The following FUT9 variants were observed in gnomAD, a reference collection of about 807,000 sequenced individuals.
FUT9 encodes the protein 4-galactosyl-N-acetylglucosaminide 3-alpha-L-fucosyltransferase 9.
Under a neutral mutation model 29.7 loss-of-function variants are expected in FUT9, and 15 were observed. The ratio of observed to expected loss-of-function variants is 0.51; its 90% confidence interval spans 0.34 to 0.78. The LOEUF (loss-of-function observed/expected upper bound fraction) is 0.78. Among genes scored for constraint, FUT9 ranks in the 30% least tolerant of loss-of-function variants. FUT9 has a pLI of 0.01. For synonymous variants in FUT9, 169 were observed against 153.7 expected, an observed-to-expected ratio of 1.10 and a Z score of -0.74; for missense variants, 319 against 425.4, an observed-to-expected ratio of 0.75 and a Z score of 2.20.
intron 2 of FUT9, among the ~76,000 whole-genome samples, chr6:96,170,372 A>G (rs1019906267): frequency 2.4e-4 from 36 of 152,298 alleles, no homozygotes; most frequent in African/African-American, 8.4e-4. Flanking sequence ...AGTTATAAAT[A>G]AGATTTAATG....
intron 2 of FUT9, among the ~76,000 whole-genome samples, chr6:96,194,343 G>C (rs1264116283): frequency 6.6e-6 from 1 of 152,118 alleles, no homozygotes; most frequent in East Asian, 1.9e-4. Context: ...GATCCCAGAT[G>C]TTGCTGATGC....
intron 1 of FUT9, among the ~76,000 whole-genome samples, chr6:96,100,686 T>TAAGCCA (rs1422747701): frequency 7.2e-5 from 11 of 152,152 alleles, no homozygotes; most frequent in African/African-American, 2.4e-4. Context: ...AGACGCAGGT[T>TAAGCCA]AGAATTTGAA....
chr6:96,095,428 C>T (rs914901168), intron 1 of FUT9, among the ~76,000 whole-genome samples: 15 of 152,136 alleles, frequency 9.9e-5, no homozygotes, highest in Admixed American at 6.6e-4. Context: ...ACTAGGCTTG[C>T]CCCACCATTC....
At chr6:96,103,761 A>G (rs956845341) in intron 1 of FUT9, among the ~76,000 whole-genome samples, 6 of 152,074 alleles carry the variant, frequency 3.9e-5, no homozygotes, top group South Asian at 4.1e-4. Context: ...TTTTCTTTCC[A>G]TCTTTTCTTT....
chr6:96,145,049 ATTAT>A (rs1171716196), intron 2 of FUT9, among the ~76,000 whole-genome samples: 2 of 151,746 alleles, frequency 1.3e-5, no homozygotes, highest in South Asian at 2.1e-4. Flanking sequence ...ATTATTCTTT[ATTAT>A]TTATTTATTT....
intron 2 of FUT9, among the ~76,000 whole-genome samples, chr6:96,182,204 A>G (rs1247676267): frequency 1.3e-5 from 2 of 151,812 alleles, no homozygotes; most frequent in Non-Finnish European, 2.9e-5. Flanking sequence ...TCATATGTTT[A>G]TTGGACATTT....
chr6:96,191,829 C>T (rs192128575), intron 2 of FUT9, among the ~76,000 whole-genome samples: 2 of 152,296 alleles, frequency 1.3e-5, no homozygotes, highest in Admixed American at 6.5e-5. Flanking sequence ...CCGAATCCAG[C>T]AGCACATCAA....
intron 1 of FUT9, among the ~76,000 whole-genome samples, chr6:96,057,475 G>T (rs1770792280): frequency 6.6e-6 from 1 of 152,138 alleles, no homozygotes; most frequent in Admixed American, 6.5e-5. Flanking sequence ...TATAGAAACT[G>T]AATTGCTAAG....
chr6:96,111,040 T>C (rs1011441464), intron 1 of FUT9, among the ~76,000 whole-genome samples: 11 of 152,244 alleles, frequency 7.2e-5, no homozygotes, highest in African/African-American at 1.4e-4. Context: ...TTGGCAAACA[T>C]TGAGATGAAA....
At chr6:96,041,754 G>A (rs1770464628) in intron 1 of FUT9, among the ~76,000 whole-genome samples, 2 of 152,130 alleles carry the variant, frequency 1.3e-5, no homozygotes, top group Non-Finnish European at 2.9e-5. Context: ...TAAACAATCT[G>A]TTGATATATC....
intron 2 of FUT9, among the ~76,000 whole-genome samples, chr6:96,197,065 C>A (rs1342438644): frequency 6.6e-6 from 1 of 152,154 alleles, no homozygotes; most frequent in Non-Finnish European, 1.5e-5. Context: ...GAAAGTCAGA[C>A]AGAAACTTTG....
intron 2 of FUT9, among the ~76,000 whole-genome samples, chr6:96,138,705 T>C (rs984566146): frequency 6.6e-6 from 1 of 152,224 alleles, no homozygotes; most frequent in Non-Finnish European, 1.5e-5. Flanking sequence ...TAAGGCATCC[T>C]TTCATTTCCT....
At chr6:96,017,386 A>G (rs1244858644) in intron 1 of FUT9, among the ~76,000 whole-genome samples, 2 of 152,162 alleles carry the variant, frequency 1.3e-5, no homozygotes, top group African/African-American at 4.8e-5. Flanking sequence ...TTCTGAAACC[A>G]TGTTTACCGT....
chr6:96,111,008 C>A (rs1771796402), intron 1 of FUT9, among the ~76,000 whole-genome samples: 1 of 152,010 alleles, frequency 6.6e-6, no homozygotes, highest in Admixed American at 6.6e-5. Flanking sequence ...AAATTCCATG[C>A]AAACCCAGTC....
intron 2 of FUT9, among the ~76,000 whole-genome samples, chr6:96,186,587 G>A (rs138155500): frequency 6.6e-6 from 1 of 152,248 alleles, no homozygotes; most frequent in East Asian, 1.9e-4. Context: ...TATCTGTATA[G>A]AAAGAGATTT....
intron 1 of FUT9, among the ~76,000 whole-genome samples, chr6:96,060,598 G>A (rs1432376884): frequency 3.3e-5 from 5 of 150,494 alleles, no homozygotes; most frequent in Non-Finnish European, 5.9e-5. Flanking sequence ...GCACAGTTGC[G>A]CTATCTGAGC....
intron 2 of FUT9, among the ~76,000 whole-genome samples, chr6:96,127,945 CTT>C: frequency 6.6e-6 from 1 of 152,064 alleles, no homozygotes; most frequent in East Asian, 1.9e-4. Flanking sequence ...CAGATAAATA[CTT>C]TTTAAATATT....
At chr6:96,181,390 C>A (rs1773303524) in intron 2 of FUT9, among the ~76,000 whole-genome samples, 1 of 151,872 alleles carries the variant, frequency 6.6e-6, no homozygotes, top group African/African-American at 2.4e-5. Context: ...CAATAGGAAG[C>A]ATTTATGTTA....
intron 2 of FUT9, among the ~76,000 whole-genome samples, chr6:96,192,337 T>TA (rs756038460): frequency 1.3e-5 from 2 of 152,116 alleles, no homozygotes; most frequent in South Asian, 2.1e-4. Context: ...CTTAAGCTGA[T>TA]AGCAACTTCA....
Sources: gnomAD v4.1 joint callset for allele counts (sites outside exome capture counted in the v4.1 genomes callset) on GRCh38, gnomAD v4.1.1 for gene constraint, MANE v1.5 for transcripts, NCBI Gene and HGNC (gene_info 2026-07-23, HGNC 2026-07-21) for gene names.